The following ABTB2 variants were observed in gnomAD, a reference collection of about 807,000 sequenced individuals.
ABTB2 encodes ankyrin repeat and BTB/POZ domain-containing protein 2.
A neutral mutation model predicts 104.1 loss-of-function variants in ABTB2; 56 were observed. That is an observed-to-expected ratio of 0.54 (90% CI 0.43 to 0.67). The LOEUF is 0.67. ABTB2 is among the 30% of genes least tolerant of loss of function. The pLI is 0.00. For synonymous variants in ABTB2, 606 were observed against 608.2 expected, an observed-to-expected ratio of 1.00 and a Z score of 0.05; for missense variants, 1,279 against 1,407.7, an observed-to-expected ratio of 0.91 and a Z score of 1.46.
At chr11:34,264,334 A>G (rs1156248702) in intron 1 of ABTB2, among the ~76,000 whole-genome samples, 1 of 152,224 alleles carries the variant, frequency 6.6e-6, no homozygotes, top group Non-Finnish European at 1.5e-5. Context: ...CATCAGGCAC[A>G]TGGCGATGTG....
chr11:34,335,721 A>C, intron 1 of ABTB2: 1 of 1,396,614 alleles, frequency 7.2e-7, no homozygotes, highest in African/African-American at 1.4e-5. Flanking sequence ...AAGTTTTATA[A>C]AGCAGGCTTT....
intron 1 of ABTB2, among the ~76,000 whole-genome samples, chr11:34,241,068 C>G (rs1853910068): frequency 6.6e-6 from 1 of 152,152 alleles, no homozygotes; most frequent in Non-Finnish European, 1.5e-5. Context: ...TTTTCTGTTT[C>G]GAGTTGCATT....
At chr11:34,309,267 G>A (rs1366546178) in intron 1 of ABTB2, among the ~76,000 whole-genome samples, 1 of 152,212 alleles carries the variant, frequency 6.6e-6, no homozygotes, top group Non-Finnish European at 1.5e-5. Flanking sequence ...CATTGGGTGG[G>A]CATTTTGGGG....
intron 1 of ABTB2, among the ~76,000 whole-genome samples, chr11:34,328,529 A>C (rs1379487069): frequency 6.6e-6 from 1 of 152,122 alleles, no homozygotes; most frequent in African/African-American, 2.4e-5. Flanking sequence ...ACGTATGCAA[A>C]ATTCTTAGCA....
intron 1 of ABTB2, among the ~76,000 whole-genome samples, chr11:34,267,049 G>C (rs897458782): frequency 1.3e-5 from 2 of 152,164 alleles, no homozygotes; most frequent in Non-Finnish European, 2.9e-5. Context: ...GGAAGTGCTG[G>C]TGGAGGTAGG....
intron 1 of ABTB2, among the ~76,000 whole-genome samples, chr11:34,227,402 C>T (rs146807995): frequency 6.6e-6 from 1 of 152,268 alleles, no homozygotes; most frequent in African/African-American, 2.4e-5. Flanking sequence ...ATTTGCCTTT[C>T]CTGGACATTT....
chr11:34,210,264 A>G (rs1253770489), intron 1 of ABTB2, among the ~76,000 whole-genome samples: 1 of 152,180 alleles, frequency 6.6e-6, no homozygotes, highest in Non-Finnish European at 1.5e-5. Context: ...CTGGGATTCT[A>G]GACTCTGACC....
At chr11:34,287,826 C>A (rs1358579918) in intron 1 of ABTB2, among the ~76,000 whole-genome samples, 1 of 151,886 alleles carries the variant, frequency 6.6e-6, no homozygotes, top group Non-Finnish European at 1.5e-5. Context: ...TATTTTTTTT[C>A]TTTTTTATAG....
At chr11:34,355,293 A>G (rs954356175) in intron 1 of ABTB2, among the ~76,000 whole-genome samples, 1 of 152,040 alleles carries the variant, frequency 6.6e-6, no homozygotes, top group South Asian at 2.1e-4. Context: ...ACAACAACAA[A>G]CCAGAAAAAC....
At chr11:34,262,190 AC>A (rs1854195974) in intron 1 of ABTB2, among the ~76,000 whole-genome samples, 1 of 152,226 alleles carries the variant, frequency 6.6e-6, no homozygotes, top group African/African-American at 2.4e-5. Flanking sequence ...GTTAGGTCCA[AC>A]CTTGGGATTT....
chr11:34,171,929 T>C (rs1565131382), intron 4 of ABTB2, among the ~76,000 whole-genome samples: 1 of 152,174 alleles, frequency 6.6e-6, no homozygotes, highest in Non-Finnish European at 1.5e-5. Context: ...GCCTGTGTTA[T>C]AGGGGGCGCA....
intron 14 of ABTB2, 102 bp downstream of exon 14, chr11:34,159,194 G>T: frequency 1.2e-6 from 1 of 835,228 alleles, no homozygotes. Flanking sequence ...AAGGCACTGG[G>T]AATAGAGTGA....
intron 1 of ABTB2, among the ~76,000 whole-genome samples, chr11:34,247,997 G>C (rs1403631494): frequency 1.3e-5 from 2 of 151,636 alleles, no homozygotes; most frequent in African/African-American, 4.8e-5. Flanking sequence ...AGCTACACCT[G>C]GTGGGCAAGG....
chr11:34,277,803 T>C (rs771637629), intron 1 of ABTB2, among the ~76,000 whole-genome samples: 14,771 of 131,806 alleles, frequency 0.11, 952 homozygotes, highest in Admixed American at 0.19. Flanking sequence ...GATTCTCTTT[T>C]TTTTTTTTTT....
intron 1 of ABTB2, among the ~76,000 whole-genome samples, chr11:34,352,906 T>C (rs756846733): frequency 5.3e-5 from 8 of 152,010 alleles, no homozygotes; most frequent in African/African-American, 1.9e-4. Flanking sequence ...AATAAAATTT[T>C]AAAAATTAGC....
intron 1 of ABTB2, among the ~76,000 whole-genome samples, chr11:34,340,813 A>G (rs1250914633): frequency 1.3e-5 from 2 of 152,238 alleles, no homozygotes; most frequent in African/African-American, 4.8e-5. Context: ...CTCACCTCCC[A>G]TGGTGGAAGA....
intron 3 of ABTB2, among the ~76,000 whole-genome samples, chr11:34,192,300 A>T (rs1329245927): frequency 6.6e-6 from 1 of 151,312 alleles, no homozygotes; most frequent in Admixed American, 6.6e-5. Context: ...TTCCAAGAAA[A>T]CCCCCCAAAT....
At chr11:34,257,112 G>A (rs1315768618) in intron 1 of ABTB2, among the ~76,000 whole-genome samples, 1 of 152,234 alleles carries the variant, frequency 6.6e-6, no homozygotes, top group Non-Finnish European at 1.5e-5. Context: ...ATGACCCCAA[G>A]TGTTAGTACA....
intron 1 of ABTB2, among the ~76,000 whole-genome samples, chr11:34,255,649 C>G (rs1044061287): frequency 3.3e-5 from 5 of 152,148 alleles, no homozygotes; most frequent in Non-Finnish European, 5.9e-5. Context: ...TCCCAAGTAG[C>G]TGGGACTACA....
Sources: allele counts gnomAD v4.1 joint callset (sites outside exome capture counted in the v4.1 genomes callset), GRCh38; gene constraint gnomAD v4.1.1; transcripts MANE v1.5; gene names NCBI Gene and HGNC (gene_info 2026-07-23, HGNC 2026-07-21).